The following FGGY variants were observed in gnomAD, a reference collection of about 807,000 sequenced individuals.
FGGY encodes FGGY carbohydrate kinase domain containing.
FGGY carries 72 observed loss-of-function variants against 71.3 expected under a neutral mutation model. The observed-to-expected ratio is 1.01, with a 90% CI of 0.84 to 1.23. The LOEUF (loss-of-function observed/expected upper bound fraction) is 1.23. Among genes scored for constraint, FGGY ranks in the 50% most tolerant of loss-of-function variants. FGGY has a pLI of 0.00. For missense variants in FGGY, 668 were observed against 682.3 expected (o/e 0.98, Z 0.23); for synonymous variants, 251 against 250.3 (o/e 1.00, Z -0.02).
At chr1:59,709,606 A>T (rs1023137361) in intron 14 of FGGY, among the ~76,000 whole-genome samples, 4 of 152,192 alleles carry the variant, frequency 2.6e-5, no homozygotes, top group Non-Finnish European at 5.9e-5. Flanking sequence ...CAGCCATCAC[A>T]CAAGGAATCT....
chr1:59,574,455 T>G (rs1030931195), intron 8 of FGGY, among the ~76,000 whole-genome samples: 2 of 152,174 alleles, frequency 1.3e-5, no homozygotes, highest in African/African-American at 4.8e-5. Flanking sequence ...TTTTCTTTCT[T>G]TTTTATTTTT....
At chr1:59,545,091 A>G (rs573884547) in intron 7 of FGGY, among the ~76,000 whole-genome samples, 4 of 152,292 alleles carry the variant, frequency 2.6e-5, no homozygotes, top group African/African-American at 9.6e-5. Flanking sequence ...GGTCATTCGC[A>G]TAGTGTCTTA....
intron 8 of FGGY, among the ~76,000 whole-genome samples, chr1:59,593,617 C>T (rs912680320): frequency 1.3e-5 from 2 of 152,154 alleles, no homozygotes; most frequent in African/African-American, 4.8e-5. Flanking sequence ...TTTAAAAATT[C>T]TTACTGTATA....
chr1:59,653,397 T>C (rs1376947054), intron 11 of FGGY, among the ~76,000 whole-genome samples: 1 of 152,006 alleles, frequency 6.6e-6, no homozygotes, highest in Non-Finnish European at 1.5e-5. Context: ...GTGCTAGCAA[T>C]CAGCGAGATT....
chr1:59,446,501 T>C (rs1464681825), intron 5 of FGGY, among the ~76,000 whole-genome samples: 1 of 152,196 alleles, frequency 6.6e-6, no homozygotes, highest in Non-Finnish European at 1.5e-5. Flanking sequence ...ATCTGACAGC[T>C]CTTTAACAGA....
chr1:59,728,184 C>T (rs2097972727), intron 14 of FGGY, among the ~76,000 whole-genome samples: 1 of 151,988 alleles, frequency 6.6e-6, no homozygotes, highest in Non-Finnish European at 1.5e-5. Context: ...CCTCTCTTAG[C>T]ATATCAATTA....
chr1:59,620,654 A>T (rs1281100826), intron 9 of FGGY, among the ~76,000 whole-genome samples: 1 of 151,980 alleles, frequency 6.6e-6, no homozygotes, highest in African/African-American at 2.4e-5. Flanking sequence ...ATCTATTGGC[A>T]TCTTGGCTTT....
chr1:59,643,014 G>A (rs1223627535), intron 11 of FGGY, among the ~76,000 whole-genome samples: 4 of 136,594 alleles, frequency 2.9e-5, no homozygotes, highest in African/African-American at 1.1e-4. Flanking sequence ...TAGCCTGGGT[G>A]ACAGAGTGAG....
chr1:59,332,354 G>C (rs2048656729), intron 2 of FGGY, among the ~76,000 whole-genome samples: 1 of 152,094 alleles, frequency 6.6e-6, no homozygotes, highest in African/African-American at 2.4e-5. Context: ...TGAGATTACT[G>C]GGCTGCTTTC....
At chr1:59,459,666 C>A (rs1355866867) in intron 6 of FGGY, among the ~76,000 whole-genome samples, 1 of 152,134 alleles carries the variant, frequency 6.6e-6, no homozygotes, top group South Asian at 2.1e-4. Flanking sequence ...CTATCTAATC[C>A]TAAACATCTA....
chr1:59,416,066 TC>T (rs1174994108), intron 5 of FGGY, among the ~76,000 whole-genome samples: 1 of 152,200 alleles, frequency 6.6e-6, no homozygotes, highest in Non-Finnish European at 1.5e-5. Flanking sequence ...CTATGACAGG[TC>T]TTATTTAAAT....
chr1:59,617,498 C>T (rs1009538252), intron 9 of FGGY, among the ~76,000 whole-genome samples: 5 of 152,064 alleles, frequency 3.3e-5, no homozygotes, highest in African/African-American at 1.2e-4. Context: ...TTAGAAAACA[C>T]ATACTCCCTT....
intron 7 of FGGY, among the ~76,000 whole-genome samples, chr1:59,533,656 G>C (rs553392913): frequency 4.0e-4 from 61 of 152,288 alleles, no homozygotes; most frequent in Admixed American, 2.6e-3. Flanking sequence ...ACCTGAGAAC[G>C]GGCAGACTGC....
At chr1:59,669,772 C>T (rs1420346651) in intron 13 of FGGY, among the ~76,000 whole-genome samples, 1 of 152,058 alleles carries the variant, frequency 6.6e-6, no homozygotes, top group African/African-American at 2.4e-5. Flanking sequence ...CTTTGGAGAA[C>T]ACAGTACTCT....
chr1:59,587,080 C>G (rs1180409874), intron 8 of FGGY, among the ~76,000 whole-genome samples: 1 of 152,224 alleles, frequency 6.6e-6, no homozygotes, highest in African/African-American at 2.4e-5. Context: ...AAAATCGGGT[C>G]ACTCCCGCCC....
At chr1:59,536,807 T>TA (rs2095328197) in intron 7 of FGGY, among the ~76,000 whole-genome samples, 1 of 152,176 alleles carries the variant, frequency 6.6e-6, no homozygotes, top group Non-Finnish European at 1.5e-5. Context: ...CCCTTCATGC[T>TA]AAAAACTCTC....
intron 14 of FGGY, among the ~76,000 whole-genome samples, chr1:59,701,828 G>A (rs1211135490): frequency 6.6e-6 from 1 of 152,134 alleles, no homozygotes; most frequent in African/African-American, 2.4e-5. Flanking sequence ...GAACTCAACT[G>A]TGTACTGGAT....
At chr1:59,512,049 C>T (rs1008767006) in intron 6 of FGGY, among the ~76,000 whole-genome samples, 2 of 152,034 alleles carry the variant, frequency 1.3e-5, no homozygotes, top group Non-Finnish European at 2.9e-5. Flanking sequence ...TTGAAATTTC[C>T]CATTTTCAGA....
At chr1:59,740,461 C>T (rs1308017955) in intron 14 of FGGY, among the ~76,000 whole-genome samples, 3 of 152,208 alleles carry the variant, frequency 2.0e-5, no homozygotes, top group East Asian at 1.9e-4. Flanking sequence ...CAGCCCTGCT[C>T]GCAAGAGCAT....
Sources: allele counts gnomAD v4.1 joint callset (sites outside exome capture counted in the v4.1 genomes callset), GRCh38; gene constraint gnomAD v4.1.1; transcripts MANE v1.5; gene names NCBI Gene and HGNC (gene_info 2026-07-23, HGNC 2026-07-21).